Variants in PCDHA9 observed in about 807,000 individuals in gnomAD.
PCDHA9 encodes the protein protocadherin alpha-9.
PCDHA9 carries 62 observed loss-of-function variants against 62.0 expected under a neutral mutation model. That is an observed-to-expected ratio of 1.00 (90% CI 0.81 to 1.23). PCDHA9 has a LOEUF of 1.23. Ranked by LOEUF, PCDHA9 falls within the 50% of genes most tolerant of loss-of-function variation. The pLI is 0.00. For missense variants in PCDHA9, 1,205 were observed against 1,249.8 expected (o/e 0.96, Z 0.54); for synonymous variants, 557 against 567.6 (o/e 0.98, Z 0.27).
chr5:140,948,895 A>G (rs1192387448), intron 1 of PCDHA9, among the ~76,000 whole-genome samples: 1 of 151,548 alleles, frequency 6.6e-6, no homozygotes, highest in Non-Finnish European at 1.5e-5. Flanking sequence ...TTAGATTTTA[A>G]GTGGATTCTT....
At chr5:140,870,125 A>G (rs782777018) in intron 1 of PCDHA9, 29 of 1,613,792 alleles carry the variant, frequency 1.8e-5, no homozygotes, top group African/African-American at 2.7e-5. Flanking sequence ...GAAATCTTGG[A>G]CACCAACGAT....
rs373471484 is a variant in PCDHA9, at chr5:140,997,017, TA to T, written c.2543-12609del. 5.1e-4 allele frequency among the ~76,000 whole-genome samples: 78 copies of T among 152,304 alleles called. No individual in the cohort carries two copies. The South Asian group carries it at 0.011, about 21-fold the overall frequency. ...TAACAATTTTGTGTGTATCCTCCAA[TA>T]TTTTTTTGAAATTAATGAACTTTAC... On this transcript the variant is annotated intron_variant, in intron 3 of 3. Transcript: ENST00000532602.
intron 1 of PCDHA9, chr5:140,870,140 C>G: frequency 6.2e-7 from 1 of 1,614,040 alleles, no homozygotes; most frequent in Non-Finnish European, 8.5e-7. Flanking sequence ...AACGATAACT[C>G]TCCTGAAGTC....
chr5:140,870,061 C>G, intron 1 of PCDHA9: 1 of 1,613,758 alleles, frequency 6.2e-7, no homozygotes, highest in Non-Finnish European at 8.5e-7. Flanking sequence ...AATTGAAGTA[C>G]AGGCTACAGA....
intron 1 of PCDHA9, among the ~76,000 whole-genome samples, chr5:140,897,659 G>A: frequency 6.6e-6 from 1 of 152,230 alleles, no homozygotes; most frequent in South Asian, 2.1e-4. Flanking sequence ...ACGTGTGCAT[G>A]TGTCTTTATA....
At chr5:140,940,557 T>C (rs1554213484) in intron 1 of PCDHA9, among the ~76,000 whole-genome samples, 1 of 152,204 alleles carries the variant, frequency 6.6e-6, no homozygotes. Context: ...CAAGTGATTC[T>C]CCTACCTTGG....
In PCDHA9 at chr5:140,870,004, G is replaced by T. The variant is rs374513388; in HGVS notation, c.2394+19115G>T. 129 of 1,613,494 alleles carry T rather than the reference G, an allele frequency of 8.0e-5. No homozygotes were observed. Among genetic ancestry groups the T allele is most frequent in the Non-Finnish European group, 1.1e-4 (126 of 1,179,842 alleles). The stretch of plus-strand genomic sequence containing the variant: ...TACACTAGATCAAAATAATGGAGAA[G>T]TGAGGGTCAATGGAACTTTAGATTA... On this transcript the variant is annotated intron_variant, in intron 1 of 3. Coordinates refer to ENST00000532602, the MANE Select transcript of PCDHA9 (RefSeq NM_031857.2).
At position 140,882,738 on chromosome 5, in the gene PCDHA9, C is replaced by T. The variant is rs1005115100; in HGVS notation, c.2394+31849C>T. 8.1e-6 allele frequency: 13 copies of T among 1,614,118 alleles called. No individual in the cohort carries two copies. The highest frequency in any genetic ancestry group is 1.3e-5 in the African/African-American group (1 of 74,942). ...GAAACTCGATTTCCACTAGATGGCG[C>T]ATCCGATGCAGATATTGGAGTAAAC... On this transcript the variant is annotated intron_variant, in intron 1 of 3. Transcript: ENST00000532602.
chr5:140,961,336 G>C (rs2095605046), intron 1 of PCDHA9, among the ~76,000 whole-genome samples: 1 of 152,178 alleles, frequency 6.6e-6, no homozygotes, highest in African/African-American at 2.4e-5. Context: ...GAGAGACCAA[G>C]AGTGGATCCC....
At chr5:140,912,061 C>T (rs1321149990) in intron 1 of PCDHA9, among the ~76,000 whole-genome samples, 2 of 152,162 alleles carry the variant, frequency 1.3e-5, no homozygotes, top group Non-Finnish European at 2.9e-5. Context: ...AACTTGGAGT[C>T]CAATGTTCAA....
rs113142258 is a variant in PCDHA9, at chr5:140,939,756, T to C, written c.2395-39193T>C. 3.3e-3 allele frequency among the ~76,000 whole-genome samples: 504 copies of C among 152,358 alleles called. 2 individuals carry two copies. Among genetic ancestry groups the C allele is most frequent in the African/African-American group, 0.012 (483 of 41,584 alleles). Reference sequence around the variant, plus strand: ...AGCTGTGTATCATTCATTGTCATTATATAGTATTTCAGGGTGTGAATGGTC... The same window carrying C: ...AGCTGTGTATCATTCATTGTCATTACATAGTATTTCAGGGTGTGAATGGTC... On this transcript the variant is annotated intron_variant, in intron 1 of 3. Transcript: ENST00000532602.
intron 1 of PCDHA9, among the ~76,000 whole-genome samples, chr5:140,925,937 C>T (rs1244990026): frequency 1.4e-5 from 2 of 138,450 alleles, no homozygotes; most frequent in East Asian, 3.9e-4. Flanking sequence ...AGTAGAGCCT[C>T]TTGGAGAAGG....
intron 2 of PCDHA9, 165 bp downstream of exon 2, chr5:140,979,172 G>A (rs1406119348): frequency 2.1e-6 from 2 of 959,890 alleles, no homozygotes; most frequent in Admixed American, 1.2e-4. Context: ...TTGAAAGATC[G>A]CAAATGGTCA....
At chr5:140,856,114 C>A (rs1375690984) in intron 1 of PCDHA9, 3 of 1,597,988 alleles carry the variant, frequency 1.9e-6, no homozygotes, top group Non-Finnish European at 2.6e-6. Flanking sequence ...TCCTCGCAGC[C>A]TGGGAGGTGG....
intron 3 of PCDHA9, among the ~76,000 whole-genome samples, chr5:140,988,127 C>T (rs1285717954): frequency 2.0e-5 from 3 of 152,120 alleles, no homozygotes; most frequent in African/African-American, 7.2e-5. Flanking sequence ...GCATGCTGTT[C>T]CACTAACCTG....
At chr5:140,904,125 C>G (rs2070849198) in intron 1 of PCDHA9, among the ~76,000 whole-genome samples, 1 of 151,972 alleles carries the variant, frequency 6.6e-6, no homozygotes, top group East Asian at 1.9e-4. Flanking sequence ...TTTTGGTGCA[C>G]CCATCACCCG....
At position 140,850,924 on chromosome 5, in the gene PCDHA9, T is replaced by G. The variant is rs2150502629; in HGVS notation, c.2394+35T>G. ...TCTAGCATTTTATTTATTTATATAA[T>G]TTTTTTTCTTGAAAGATATTATCGA... On this transcript the variant is annotated intron_variant, in intron 1 of 3. Transcript: ENST00000532602. 179 of 1,517,174 alleles carry G rather than the reference T, an allele frequency of 1.2e-4. 13 individuals carry two copies. The Admixed American group carries it at 3.8e-3, about 32-fold the overall frequency. The allele number at this position is 1,517,174 out of a possible 1,614,324, so 94.0% of individuals were successfully genotyped here. A position where few individuals can be genotyped will look rare whatever the true frequency, so the allele number is the denominator to read the frequency against.
chr5:140,877,262 T>C (rs1554169532), intron 1 of PCDHA9: 2 of 1,613,670 alleles, frequency 1.2e-6, no homozygotes, highest in South Asian at 2.2e-5. Flanking sequence ...GTGCGCGCGG[T>C]GGACGCTGAC....
intron 3 of PCDHA9, among the ~76,000 whole-genome samples, chr5:141,004,051 A>G (rs2098149842): frequency 6.6e-6 from 1 of 152,240 alleles, no homozygotes; most frequent in East Asian, 1.9e-4. Flanking sequence ...ATTTGCTGAT[A>G]CTGGCCCCTG....
Sources: allele counts gnomAD v4.1 joint callset (sites outside exome capture counted in the v4.1 genomes callset), GRCh38; gene constraint gnomAD v4.1.1; transcripts MANE v1.5; gene names NCBI Gene and HGNC (gene_info 2026-07-23, HGNC 2026-07-21).